The following TENM2 variants were observed in gnomAD, a reference collection of about 807,000 sequenced individuals.
TENM2 encodes the protein teneurin-2.
TENM2 carries 52 observed loss-of-function variants against 245.2 expected under a neutral mutation model. That is an observed-to-expected ratio of 0.21 (90% confidence interval 0.17 to 0.27). The LOEUF is 0.27. Among genes scored for constraint, TENM2 ranks in the 10% least tolerant of loss-of-function variants. The probability of loss-of-function intolerance (pLI) is 1.00; values close to 1 mark genes in which losing one functional copy is unlikely to be tolerated. For synonymous variants in TENM2, 1,363 were observed against 1,438.9 expected, an observed-to-expected ratio of 0.95 and a Z score of 1.19; for missense variants, 3,046 against 3,666.8, an observed-to-expected ratio of 0.83 and a Z score of 4.37.
chr5:167,175,392 T>C, the TENM2 span, among the ~76,000 whole-genome samples: 2 of 152,360 alleles, frequency 1.3e-5, no homozygotes, highest in South Asian at 4.1e-4. Flanking sequence ...GTAATAAATG[T>C]AGCAAGAACC....
At chr5:167,103,521 C>T in the TENM2 span, among the ~76,000 whole-genome samples, 4 of 152,188 alleles carry the variant, frequency 2.6e-5, no homozygotes, top group African/African-American at 9.6e-5. Flanking sequence ...TGGGTGCTAT[C>T]CTGTTCATTT....
chr5:167,885,326 C>T (rs564056920), intron 3 of TENM2, among the ~76,000 whole-genome samples: 1 of 152,228 alleles, frequency 6.6e-6, no homozygotes, highest in Non-Finnish European at 1.5e-5. Context: ...CTGTTAAAGG[C>T]TTATTCTATG....
intron 8 of TENM2, among the ~76,000 whole-genome samples, chr5:168,095,228 C>CA (rs1260572119): frequency 1.3e-5 from 2 of 152,126 alleles, no homozygotes; most frequent in African/African-American, 2.4e-5. Flanking sequence ...TCCCTGGTGG[C>CA]AAAAAGGTTG....
At chr5:167,027,775 C>T in the TENM2 span, among the ~76,000 whole-genome samples, 63 of 152,074 alleles carry the variant, frequency 4.1e-4, no homozygotes, top group Middle Eastern at 6.8e-3. Context: ...TTCAGATATC[C>T]ATATAAAATT....
chr5:167,462,181 A>ATCCCC (rs1766341507), intron 2 of TENM2, among the ~76,000 whole-genome samples: 1 of 75,022 alleles, frequency 1.3e-5, no homozygotes, highest in Non-Finnish European at 2.7e-5. Flanking sequence ...CCTGACCCCC[A>ATCCCC]CCCCCCCCCC....
At chr5:168,127,413 G>T (rs759694590) in intron 12 of TENM2, among the ~76,000 whole-genome samples, 1 of 152,102 alleles carries the variant, frequency 6.6e-6, no homozygotes, top group African/African-American at 2.4e-5. Flanking sequence ...GGTTCCCTCC[G>T]TAGCAGGTAC....
At chr5:168,000,877 C>T (rs995956091) in intron 5 of TENM2, among the ~76,000 whole-genome samples, 2 of 151,794 alleles carry the variant, frequency 1.3e-5, no homozygotes, top group African/African-American at 4.8e-5. Flanking sequence ...CATGGTGGTA[C>T]CTGGCACACA....
Position 167,869,983 on chromosome 5 carries a change from G to A in TENM2, c.503-6003G>A, listed in dbSNP as rs188630584. Among the ~76,000 whole-genome samples the A allele has an allele frequency of 1.5e-4, 23 of 152,262 alleles. No individual in the cohort carries two copies. In the East Asian group the frequency reaches 3.5e-3, roughly 23 times the overall value. On this transcript the variant is annotated intron_variant, in intron 2 of 28. Transcript: ENST00000518659. ...GCTTCACAAACCCCAAAGATTTAGA[G>A]AAAAGTAGATACTTTAGTCAAGCAT...
intron 5 of TENM2, among the ~76,000 whole-genome samples, chr5:168,040,466 A>G (rs1788088661): frequency 6.6e-6 from 1 of 152,196 alleles, no homozygotes; most frequent in African/African-American, 2.4e-5. Context: ...ATAGGTGCAC[A>G]AATCCCATTA....
At chr5:167,444,303 A>ACACACACT (rs1765039820) in intron 2 of TENM2, among the ~76,000 whole-genome samples, 2 of 97,600 alleles carry the variant, frequency 2.0e-5, no homozygotes, top group South Asian at 3.0e-4. Flanking sequence ...ACACATACAC[A>ACACACACT]CACACACACA....
chr5:167,530,610 C>A (rs1771423493), intron 2 of TENM2, among the ~76,000 whole-genome samples: 1 of 152,186 alleles, frequency 6.6e-6, no homozygotes, highest in Non-Finnish European at 1.5e-5. Flanking sequence ...GGCTCCTGAT[C>A]CAGGAAACAA....
chr5:167,815,383 A>G (rs893369920), intron 2 of TENM2, among the ~76,000 whole-genome samples: 3 of 152,164 alleles, frequency 2.0e-5, no homozygotes, highest in Admixed American at 6.5e-5. Context: ...CAGGCATGAC[A>G]TATTAAATCT....
rs1443227594 is a variant in TENM2, at chr5:168,216,934, T to C, written c.4233+12T>C. On this transcript the variant is annotated intron_variant, in intron 22 of 28. Transcript: ENST00000518659. ...TGGATGTAGCCCAGGTGAGACTCTTTCTTATTTCTCTTCACTAAGCAACAC... is the reference window on the plus strand; with the variant it reads ...TGGATGTAGCCCAGGTGAGACTCTTCCTTATTTCTCTTCACTAAGCAACAC... 3 of 1,612,982 alleles carry C rather than the reference T, an allele frequency of 1.9e-6. No homozygotes were observed. The highest frequency in any genetic ancestry group is 2.2e-5 in the East Asian group (1 of 44,874).
intron 3 of TENM2, among the ~76,000 whole-genome samples, chr5:167,938,942 CAAA>C (rs57042901): frequency 2.6e-4 from 27 of 105,184 alleles, no homozygotes; most frequent in African/African-American, 3.6e-4. Flanking sequence ...GACTCCGTCT[CAAA>C]AAAAAAAAAA....
intron 2 of TENM2, among the ~76,000 whole-genome samples, chr5:167,801,027 T>G (rs1765671733): frequency 6.7e-6 from 1 of 149,312 alleles, no homozygotes; most frequent in Non-Finnish European, 1.5e-5. Context: ...AATTATCAGT[T>G]TTCGAATAAA....
chr5:168,086,533 A>T (rs1433581499), intron 7 of TENM2, among the ~76,000 whole-genome samples: 1 of 152,060 alleles, frequency 6.6e-6, no homozygotes, highest in Non-Finnish European at 1.5e-5. Flanking sequence ...TTGTGCTATC[A>T]TCCTCTGGGT....
At chr5:168,171,310 A>G (rs540197533) in intron 13 of TENM2, among the ~76,000 whole-genome samples, 2 of 152,366 alleles carry the variant, frequency 1.3e-5, no homozygotes, top group African/African-American at 4.8e-5. Context: ...TTCATTATAC[A>G]GATAAGGATA....
chr5:167,368,841 GGAGA>G (rs1760224933), intron 1 of TENM2, among the ~76,000 whole-genome samples: 1 of 152,028 alleles, frequency 6.6e-6, no homozygotes, highest in Non-Finnish European at 1.5e-5. Flanking sequence ...TCGCTGAGAG[GGAGA>G]GAGTTACCTC....
intron 2 of TENM2, among the ~76,000 whole-genome samples, chr5:167,683,779 C>G (rs964096199): frequency 9.9e-5 from 15 of 152,148 alleles, no homozygotes; most frequent in Non-Finnish European, 1.6e-4. Flanking sequence ...CATAATAATG[C>G]TAATTTTAAT....
Sources: gnomAD v4.1 joint callset for allele counts (sites outside exome capture counted in the v4.1 genomes callset) on GRCh38, gnomAD v4.1.1 for gene constraint, MANE v1.5 for transcripts, NCBI Gene and HGNC (gene_info 2026-07-23, HGNC 2026-07-21) for gene names.